The following ELMO1 variants were observed in gnomAD, a reference collection of about 807,000 sequenced individuals.
ELMO1 encodes engulfment and cell motility protein 1.
A neutral mutation model predicts 98.9 loss-of-function variants in ELMO1; 26 were observed. The ratio of observed to expected loss-of-function variants is 0.26; its 90% CI spans 0.19 to 0.36. The LOEUF (loss-of-function observed/expected upper bound fraction) is 0.36. Among genes scored for constraint, ELMO1 ranks in the 10% least tolerant of loss-of-function variants. ELMO1 has a pLI of 1.00. For missense variants in ELMO1, 627 were observed against 935.2 expected (o/e 0.67, Z 4.30); for synonymous variants, 346 against 346.0 (o/e 1.00, Z 0.00).
intron 13 of ELMO1, among the ~76,000 whole-genome samples, chr7:37,154,921 A>G (rs1392676275): frequency 6.6e-6 from 1 of 152,210 alleles, no homozygotes; most frequent in East Asian, 1.9e-4. Flanking sequence ...GAGAAAGGTC[A>G]AGTTACCCAC....
intron 13 of ELMO1, among the ~76,000 whole-genome samples, chr7:37,152,942 T>G (rs910343545): frequency 6.6e-6 from 1 of 152,084 alleles, no homozygotes; most frequent in Non-Finnish European, 1.5e-5. Context: ...TCTGCATATG[T>G]CTCCAAGGGG....
At chr7:37,031,162 G>A (rs1187706712) in intron 15 of ELMO1, among the ~76,000 whole-genome samples, 2 of 152,002 alleles carry the variant, frequency 1.3e-5, no homozygotes, top group African/African-American at 4.8e-5. Context: ...TCCCAGTCTC[G>A]GGACAGATCC....
chr7:37,031,069 T>C (rs1200466243), intron 15 of ELMO1, among the ~76,000 whole-genome samples: 1 of 152,170 alleles, frequency 6.6e-6, no homozygotes, highest in Non-Finnish European at 1.5e-5. Context: ...TTATATTTAC[T>C]CCTTTCCTTT....
chr7:36,999,425 A>G (rs1295469076), intron 16 of ELMO1, among the ~76,000 whole-genome samples: 1 of 152,180 alleles, frequency 6.6e-6, no homozygotes, highest in Non-Finnish European at 1.5e-5. Context: ...CTAGACGAAG[A>G]GACCGGGATA....
intron 16 of ELMO1, among the ~76,000 whole-genome samples, chr7:36,974,057 C>T (rs1264992542): frequency 1.3e-5 from 2 of 152,262 alleles, no homozygotes; most frequent in African/African-American, 4.8e-5. Context: ...TGGAGCCTCC[C>T]TGATGAGCGC....
chr7:37,344,863 CTT>C (rs951149804), intron 1 of ELMO1, among the ~76,000 whole-genome samples: 3 of 152,318 alleles, frequency 2.0e-5, no homozygotes, highest in African/African-American at 4.8e-5. Flanking sequence ...ATTGGGTTCT[CTT>C]GTCTTTTTTG....
intron 15 of ELMO1, among the ~76,000 whole-genome samples, chr7:37,095,325 G>A (rs999752952): frequency 6.6e-6 from 1 of 152,186 alleles, no homozygotes; most frequent in African/African-American, 2.4e-5. Context: ...TTTGATTTAG[G>A]ACTTACATCC....
chr7:37,030,878 T>C (rs930388248), intron 15 of ELMO1, among the ~76,000 whole-genome samples: 7 of 152,206 alleles, frequency 4.6e-5, no homozygotes, highest in African/African-American at 1.2e-4. Context: ...GATAGTTTCC[T>C]GAGCTCCAGA....
intron 1 of ELMO1, among the ~76,000 whole-genome samples, chr7:37,440,278 C>A (rs777817004): frequency 3.9e-5 from 6 of 151,918 alleles, no homozygotes; most frequent in Admixed American, 6.6e-5. Flanking sequence ...CTTGTCTCCA[C>A]TACAAATACA....
chr7:37,183,199 GAGA>G (rs10558339), intron 13 of ELMO1, among the ~76,000 whole-genome samples: 25,402 of 152,112 alleles, frequency 0.17, 2,426 homozygotes, highest in Middle Eastern at 0.24. Flanking sequence ...GGCACAGAAG[GAGA>G]AGGAGGAAGG....
chr7:36,863,694 C>T (rs1047478965), intron 20 of ELMO1, among the ~76,000 whole-genome samples: 1 of 152,158 alleles, frequency 6.6e-6, no homozygotes, highest in African/African-American at 2.4e-5. Context: ...GAGACATGAA[C>T]ACCATGTACA....
chr7:37,315,792 T>A (rs1799122193), intron 3 of ELMO1, 128 bp downstream of exon 3: 1 of 826,012 alleles, frequency 1.2e-6, no homozygotes, highest in East Asian at 2.5e-5. Context: ...TACACAGTAA[T>A]TCTTATTGAC....
intron 16 of ELMO1, among the ~76,000 whole-genome samples, chr7:36,944,967 C>T (rs1018967576): frequency 1.3e-5 from 2 of 152,150 alleles, no homozygotes; most frequent in African/African-American, 4.8e-5. Flanking sequence ...ATTCACTCTG[C>T]GAACCCAGGG....
chr7:37,334,406 A>G (rs1321842663), intron 2 of ELMO1, among the ~76,000 whole-genome samples: 1 of 152,190 alleles, frequency 6.6e-6, no homozygotes, highest in African/African-American at 2.4e-5. Flanking sequence ...GGATTGCACC[A>G]TCGCACTCCA....
intron 13 of ELMO1, among the ~76,000 whole-genome samples, chr7:37,134,649 T>C (rs1787147699): frequency 1.3e-5 from 2 of 151,816 alleles, no homozygotes; most frequent in South Asian, 2.1e-4. Context: ...AGCAAAGATA[T>C]AGAATCCACC....
chr7:37,367,297 C>G (rs1348043052), intron 1 of ELMO1, among the ~76,000 whole-genome samples: 2 of 152,220 alleles, frequency 1.3e-5, no homozygotes, highest in Admixed American at 6.5e-5. Flanking sequence ...CTCTCCCACT[C>G]ACTCCTTTAC....
At chr7:36,995,272 G>C (rs2129155664) in intron 16 of ELMO1, among the ~76,000 whole-genome samples, 1 of 152,282 alleles carries the variant, frequency 6.6e-6, no homozygotes, top group Non-Finnish European at 1.5e-5. Context: ...CACTTTGGGA[G>C]ACCGCAGTGA....
intron 4 of ELMO1, among the ~76,000 whole-genome samples, chr7:37,304,258 G>A (rs932560379): frequency 6.6e-6 from 1 of 152,188 alleles, no homozygotes; most frequent in Non-Finnish European, 1.5e-5. Flanking sequence ...GAGGGGTGAC[G>A]ATGATGGAAA....
At chr7:37,315,038 C>A in intron 3 of ELMO1, 116 bp from the exon 4 acceptor site, 1 of 833,524 alleles carries the variant, frequency 1.2e-6, no homozygotes, top group South Asian at 1.7e-5. Flanking sequence ...CCAATCCCAA[C>A]ATATACCACA....
Sources: gnomAD v4.1 joint callset for allele counts (sites outside exome capture counted in the v4.1 genomes callset) on GRCh38, gnomAD v4.1.1 for gene constraint, MANE v1.5 for transcripts, NCBI Gene and HGNC (gene_info 2026-07-23, HGNC 2026-07-21) for gene names.